The following FYN variants were observed in gnomAD, a reference collection of about 807,000 sequenced individuals.
FYN encodes tyrosine-protein kinase Fyn.
FYN carries 10 observed loss-of-function variants against 70.2 expected under a neutral mutation model. The ratio of observed to expected loss-of-function variants is 0.14; its 90% CI spans 0.09 to 0.24. FYN has a LOEUF of 0.24. Ranked by LOEUF, FYN falls within the 10% of genes least tolerant of loss-of-function variation. The pLI is 1.00. For synonymous variants in FYN, 236 were observed against 248.6 expected (o/e 0.95, Z 0.48); for missense variants, 319 against 673.1 (o/e 0.47, Z 5.82).
chr6:111,660,346 GCTCT>G lies in FYN; in HGVS notation c.*1389_*1392del, dbSNP rs1016663111. The G allele has an allele frequency of 6.6e-6, 1 of 152,010 alleles. No homozygotes were observed. The highest frequency in any genetic ancestry group is 2.4e-5 in the African/African-American group (1 of 41,394). The allele number at this position is 152,010 out of a possible 1,614,324, so 9.4% of individuals were successfully genotyped here. A position where few individuals can be genotyped will look rare whatever the true frequency, so the allele number is the denominator to read the frequency against. On this transcript the variant is annotated 3_prime_UTR_variant, in exon 14 of 14. Transcript: ENST00000354650. ...CAAAAAAAAAATTCAAATGTAAAAT[GCTCT>G]CTTTTTAATTACTAAATTAAGAAAG...
intron 3 of FYN, among the ~76,000 whole-genome samples, chr6:111,756,027 C>A (rs552094077): frequency 2.3e-4 from 35 of 151,956 alleles, no homozygotes; most frequent in African/African-American, 8.2e-4. Context: ...AAATTAAAAT[C>A]AGAAAACAAA....
intron 3 of FYN, among the ~76,000 whole-genome samples, chr6:111,744,542 G>T (rs1353859651): frequency 6.6e-6 from 1 of 152,186 alleles, no homozygotes; most frequent in Non-Finnish European, 1.5e-5. Flanking sequence ...GCAATTATTT[G>T]ATCTTTCCTG....
chr6:111,685,160 G>C (rs1174404896), intron 12 of FYN, among the ~76,000 whole-genome samples: 1 of 152,228 alleles, frequency 6.6e-6, no homozygotes, highest in African/African-American at 2.4e-5. Flanking sequence ...AGGGTGGTGA[G>C]AGGAACTCAC....
chr6:111,767,931 C>T (rs1409176729), intron 3 of FYN, among the ~76,000 whole-genome samples: 9 of 152,026 alleles, frequency 5.9e-5, no homozygotes, highest in African/African-American at 1.4e-4. Context: ...TTTTTTTTGA[C>T]GTTAGAATCA....
Position 111,821,788 on chromosome 6 carries a change from GA to G in FYN, c.-82+24800del, listed in dbSNP as rs1004459688. Among the ~76,000 whole-genome samples, 48 of 150,464 alleles carry G rather than the reference GA, an allele frequency of 3.2e-4. 1 individual carries two copies. The highest frequency in any genetic ancestry group is 1.1e-3 in the African/African-American group (46 of 40,970). The stretch of plus-strand genomic sequence containing the variant: ...ACAAAGAACTCAAACAAATTTACAA[GA>G]AAAAAAAACCCCATCAACAAGTGGG... On this transcript the variant is annotated intron_variant, in intron 2 of 13. Coordinates refer to ENST00000354650, the MANE Select transcript of FYN (RefSeq NM_002037.5).
At chr6:111,693,411 T>C (rs865797152) in intron 12 of FYN, among the ~76,000 whole-genome samples, 11 of 152,256 alleles carry the variant, frequency 7.2e-5, no homozygotes, top group Middle Eastern at 3.4e-3. Flanking sequence ...AAACATTATA[T>C]TCTACATGAG....
chr6:111,777,760 T>A (rs1032580104), intron 3 of FYN, among the ~76,000 whole-genome samples: 5 of 152,184 alleles, frequency 3.3e-5, no homozygotes, highest in Non-Finnish European at 5.9e-5. Flanking sequence ...GTTTGAAGAA[T>A]TTCAAACTTC....
chr6:111,856,305 T>A (rs1314497889), intron 1 of FYN, among the ~76,000 whole-genome samples: 1 of 152,338 alleles, frequency 6.6e-6, no homozygotes, highest in East Asian at 1.9e-4. Context: ...AATATTGTGA[T>A]GTACACATAG....
chr6:111,763,748 A>G (rs1302461564), intron 3 of FYN, among the ~76,000 whole-genome samples: 2 of 152,162 alleles, frequency 1.3e-5, no homozygotes, highest in Non-Finnish European at 2.9e-5. Flanking sequence ...TCTGAAGTGT[A>G]GCTTAGGGGG....
chr6:111,779,375 A>G (rs1771084445), intron 3 of FYN, among the ~76,000 whole-genome samples: 1 of 152,168 alleles, frequency 6.6e-6, no homozygotes, highest in African/African-American at 2.4e-5. Flanking sequence ...AGGCTACGTA[A>G]TAAGCATAGA....
chr6:111,782,579 T>A (rs1771215368), intron 2 of FYN, among the ~76,000 whole-genome samples: 2 of 152,294 alleles, frequency 1.3e-5, no homozygotes, highest in South Asian at 4.1e-4. Flanking sequence ...GACTGACAGA[T>A]CACCTGGGAA....
intron 12 of FYN, among the ~76,000 whole-genome samples, chr6:111,686,460 T>C (rs1415413019): frequency 6.6e-6 from 1 of 152,102 alleles, no homozygotes; most frequent in African/African-American, 2.4e-5. Flanking sequence ...CTCAGGATGA[T>C]AGACTCTCAA....
intron 13 of FYN, among the ~76,000 whole-genome samples, chr6:111,665,204 C>T (rs1360113271): frequency 1.3e-5 from 2 of 151,994 alleles, no homozygotes; most frequent in Non-Finnish European, 2.9e-5. Context: ...TTGAGCATTC[C>T]CTTTGCGTGT....
chr6:111,664,254 C>G (rs940444496), intron 13 of FYN, among the ~76,000 whole-genome samples: 2 of 150,648 alleles, frequency 1.3e-5, no homozygotes, highest in African/African-American at 5.0e-5. Context: ...CAGGAGTCCA[C>G]AGGAACTGAG....
intron 4 of FYN, chr6:111,719,507 G>A: frequency 4.0e-6 from 1 of 248,244 alleles, no homozygotes; most frequent in Non-Finnish European, 7.8e-6. Context: ...CAACCAGCCA[G>A]GTGAGGCTGA....
intron 3 of FYN, among the ~76,000 whole-genome samples, chr6:111,744,656 ATCAGGCTTTTACTACACG>A (rs1437557295): frequency 6.6e-6 from 1 of 152,218 alleles, no homozygotes; most frequent in African/African-American, 2.4e-5. Context: ...TGGAAAAATC[ATCAGGCTTTTACTACACG>A]TCAGTTATCT....
intron 3 of FYN, among the ~76,000 whole-genome samples, chr6:111,743,172 G>A (rs1802058755): frequency 6.6e-6 from 1 of 152,010 alleles, no homozygotes; most frequent in Admixed American, 6.6e-5. Flanking sequence ...TGGTTATGTT[G>A]GCCAGGCTGG....
intron 2 of FYN, among the ~76,000 whole-genome samples, chr6:111,820,925 T>A (rs1443394753): frequency 1.3e-5 from 2 of 152,144 alleles, no homozygotes; most frequent in Non-Finnish European, 2.9e-5. Flanking sequence ...ACAACTAGGT[T>A]ACATGGAAAA....
At chr6:111,862,522 A>C (rs1012265707) in intron 1 of FYN, among the ~76,000 whole-genome samples, 1 of 152,102 alleles carries the variant, frequency 6.6e-6, no homozygotes, top group Non-Finnish European at 1.5e-5. Flanking sequence ...CCAGTGCCTT[A>C]CCCCGGGCCT....
Sources: gnomAD v4.1 joint callset for allele counts (sites outside exome capture counted in the v4.1 genomes callset) on GRCh38, gnomAD v4.1.1 for gene constraint, MANE v1.5 for transcripts, NCBI Gene and HGNC (gene_info 2026-07-23, HGNC 2026-07-21) for gene names.